The following ZNF570 variants were observed in gnomAD, a reference collection of about 807,000 sequenced individuals.
The protein encoded by ZNF570 is zinc finger protein 570.
In ZNF570, 8 loss-of-function variants were observed where a neutral mutation model predicts 14.2. The ratio of observed to expected loss-of-function variants is 0.56; its 90% CI spans 0.33 to 1.02. The LOEUF (loss-of-function observed/expected upper bound fraction) is 1.02. Ranked by LOEUF, ZNF570 falls within the 50% of genes least tolerant of loss-of-function variation. ZNF570 has a pLI of 0.03. For missense variants in ZNF570, 559 were observed against 624.9 expected (o/e 0.89, Z 1.12); for synonymous variants, 202 against 207.6 (o/e 0.97, Z 0.23).
At chr19:37,482,192 A>T (rs1255681047) in intron 4 of ZNF570, among the ~76,000 whole-genome samples, 1 of 152,142 alleles carries the variant, frequency 6.6e-6, no homozygotes, top group Non-Finnish European at 1.5e-5. Context: ...ACCAGCTATT[A>T]CTCCTCTACT....
chr19:37,477,265 G>T (rs2042036481), intron 4 of ZNF570, among the ~76,000 whole-genome samples: 1 of 149,740 alleles, frequency 6.7e-6, no homozygotes, highest in African/African-American at 2.5e-5. Context: ...TTTTCCTAAG[G>T]TGCTCATTGT....
chr19:37,478,658 T>C lies in ZNF570; in HGVS notation c.256+2224T>C, dbSNP rs547152859. Among the ~76,000 whole-genome samples, 13 of 151,508 alleles carry C rather than the reference T, an allele frequency of 8.6e-5. 1 individual carries two copies. Among genetic ancestry groups the C allele is most frequent in the South Asian group, 2.1e-4 (1 of 4,800 alleles). On this transcript the variant is annotated intron_variant, in intron 4 of 4. Transcript: ENST00000330173. ...TTTAGCATTTTGTTTTTTAATAATT[T>C]TGATGCTTAAAAGTTTTGGTACATA...
Position 37,484,622 on chromosome 19 carries a change from G to C in ZNF570, c.1000G>C (p.Glu334Gln). Residue 334 changes from glutamate (E) to glutamine (Q), a missense_variant, in exon 5 of 5, where the codon GAA becomes CAA. Coordinates refer to ENST00000330173, the MANE Select transcript of ZNF570 (RefSeq NM_144694.5). ...GGGAGAGAAACCCTATGAATGTATC[G>C]AATGTGGGAAAGCATTTAGCAACAG... The part of the protein sequence containing the change: ...HTGEKPYECI[E>Q]CGKAFSNRSS... 6.2e-6 allele frequency: 10 copies of C among 1,613,952 alleles called. No homozygotes were observed. Among genetic ancestry groups the C allele is most frequent in the Non-Finnish European group, 8.5e-6 (10 of 1,179,934 alleles).
At chr19:37,481,299 C>T (rs979124240) in intron 4 of ZNF570, among the ~76,000 whole-genome samples, 5 of 151,766 alleles carry the variant, frequency 3.3e-5, no homozygotes, top group African/African-American at 9.7e-5. Context: ...GATTACAGGG[C>T]GTGCCACCAC....
chr19:37,470,102 C>G (rs1397836246), intron 1 of ZNF570: 1 of 505,104 alleles, frequency 2.0e-6, no homozygotes, highest in East Asian at 3.2e-5. Flanking sequence ...AAGCCTAGAA[C>G]ATCTGTTGTT....
chr19:37,479,500 G>C (rs2042062390), intron 4 of ZNF570, among the ~76,000 whole-genome samples: 1 of 151,936 alleles, frequency 6.6e-6, no homozygotes, highest in South Asian at 2.1e-4. Flanking sequence ...TTGCTCATTA[G>C]GTTAAGCTCA....
At chr19:37,473,310 A>G (rs1040029006) in intron 2 of ZNF570, among the ~76,000 whole-genome samples, 1 of 152,210 alleles carries the variant, frequency 6.6e-6, no homozygotes, top group Admixed American at 6.5e-5. Flanking sequence ...TGCAGGATAC[A>G]GGCACAGAGT....
intron 3 of ZNF570, 73 bp downstream of exon 3, chr19:37,476,080 G>A: frequency 6.5e-7 from 1 of 1,531,152 alleles, no homozygotes. Context: ...GTGAATTTTT[G>A]GATAATATCT....
chr19:37,481,673 T>C (rs752361839), intron 4 of ZNF570, among the ~76,000 whole-genome samples: 4 of 152,224 alleles, frequency 2.6e-5, no homozygotes, highest in Non-Finnish European at 2.9e-5. Context: ...TATCTGACCA[T>C]TAATGGACTC....
At position 37,487,309 on chromosome 19, in the gene ZNF570, A is replaced by G. The variant is rs1033687797; in HGVS notation, c.*2076A>G. ...AGTGTTCCATACTATAGAAAAATGT[A>G]AAGTTTTAAAATTATTTATCCAGTG... On this transcript the variant is annotated 3_prime_UTR_variant, in exon 5 of 5. Transcript: ENST00000330173. 1 of 152,132 alleles carries G rather than the reference A, an allele frequency of 6.6e-6. No individual in the cohort carries two copies. The highest frequency in any genetic ancestry group is 2.4e-5 in the African/African-American group (1 of 41,450). 9.4% of individuals were successfully genotyped at this position (152,132 alleles called of 1,614,324 possible).
At chr19:37,482,113 T>C (rs1276646862) in intron 4 of ZNF570, among the ~76,000 whole-genome samples, 2 of 152,238 alleles carry the variant, frequency 1.3e-5, no homozygotes, top group Non-Finnish European at 2.9e-5. Flanking sequence ...CAGAATTTCC[T>C]CCTCGTTTAA....
intron 2 of ZNF570, among the ~76,000 whole-genome samples, chr19:37,475,007 A>T (rs1375574805): frequency 6.9e-6 from 1 of 144,034 alleles, no homozygotes. Context: ...CCTGCCGCCC[A>T]GGCTGGAATG....
chr19:37,482,406 A>T (rs1394973245), intron 4 of ZNF570, among the ~76,000 whole-genome samples: 1 of 152,200 alleles, frequency 6.6e-6, no homozygotes, highest in Non-Finnish European at 1.5e-5. Flanking sequence ...GAGAGCAGGC[A>T]CATCTCTTGG....
rs117716888 is a variant in ZNF570, at chr19:37,470,206, G to A, written c.-51-98G>A. 4.9e-3 allele frequency: 5,427 copies of A among 1,101,882 alleles called. 158 individuals are homozygous for A. The Admixed American group carries it at 0.055, about 11-fold the overall frequency. 68.3% of individuals were successfully genotyped at this position (1,101,882 alleles called of 1,614,324 possible). A position where few individuals can be genotyped will look rare whatever the true frequency, so the allele number is the denominator to read the frequency against. ...TTATGCTCTCTCTATTGGAGGGAAGGTTGCAAGAGGAGGAAAGAGAATCCT... is the reference window on the plus strand; with the variant it reads ...TTATGCTCTCTCTATTGGAGGGAAGATTGCAAGAGGAGGAAAGAGAATCCT... On this transcript the variant is annotated intron_variant, in intron 1 of 4. Coordinates refer to ENST00000330173, the MANE Select transcript of ZNF570 (RefSeq NM_144694.5).
upstream of ZNF570, among the ~76,000 whole-genome samples, chr19:37,468,657 C>T (rs1263917359): frequency 6.6e-6 from 1 of 152,204 alleles, no homozygotes; most frequent in Non-Finnish European, 1.5e-5. Context: ...AGGCGCGTGC[C>T]ACCACGCCCG....
chr19:37,476,625 T>C, intron 4 of ZNF570, 191 bp downstream of exon 4: 1 of 774,368 alleles, frequency 1.3e-6, no homozygotes, highest in Non-Finnish European at 1.8e-6. Flanking sequence ...TACTTTCCTA[T>C]CTCCTTTCTA....
intron 4 of ZNF570, among the ~76,000 whole-genome samples, chr19:37,477,236 A>C (rs566265725): frequency 6.6e-6 from 1 of 150,958 alleles, no homozygotes; most frequent in Non-Finnish European, 1.5e-5. Context: ...GAAAAGGAAA[A>C]ACAGGTTGCA....
intron 4 of ZNF570, among the ~76,000 whole-genome samples, chr19:37,483,338 A>G (rs1384900351): frequency 6.6e-6 from 1 of 152,182 alleles, no homozygotes; most frequent in African/African-American, 2.4e-5. Flanking sequence ...TCCTAGCTCT[A>G]ATTTCATCAG....
upstream of ZNF570, chr19:37,467,831 T>G (rs1003102945): frequency 2.6e-6 from 4 of 1,512,096 alleles, no homozygotes; most frequent in Non-Finnish European, 3.6e-6. Flanking sequence ...TGTGTGACCA[T>G]GGTCGCGTTT....
Sources: allele counts gnomAD v4.1 joint callset (sites outside exome capture counted in the v4.1 genomes callset), GRCh38; gene constraint gnomAD v4.1.1; transcripts MANE v1.5; gene names NCBI Gene and HGNC (gene_info 2026-07-23, HGNC 2026-07-21).